OSGEPL1: variants seen among roughly 807,000 people sequenced by gnomAD.
OSGEPL1 encodes the protein O-sialoglycoprotein endopeptidase like 1, also known as tRNA N6-adenosine threonylcarbamoyltransferase, mitochondrial.
OSGEPL1 carries 26 observed loss-of-function variants against 37.2 expected under a neutral mutation model. The ratio of observed to expected loss-of-function variants is 0.70; its 90% CI spans 0.51 to 0.97. OSGEPL1 has a LOEUF of 0.97. Among genes scored for constraint, OSGEPL1 ranks in the 50% least tolerant of loss-of-function variants. OSGEPL1 has a pLI of 0.00. For synonymous variants in OSGEPL1, 140 were observed against 159.9 expected, an observed-to-expected ratio of 0.88 and a Z score of 0.94; for missense variants, 404 against 487.0, an observed-to-expected ratio of 0.83 and a Z score of 1.60.
intron 7 of OSGEPL1, among the ~76,000 whole-genome samples, chr2:189,752,173 C>T (rs2045370812): frequency 6.6e-6 from 1 of 151,928 alleles, no homozygotes; most frequent in Admixed American, 6.6e-5. Context: ...AAAAACTGTG[C>T]TATTCACTGG....
intron 1 of OSGEPL1, among the ~76,000 whole-genome samples, chr2:189,762,014 A>G (rs547620935): frequency 6.6e-6 from 1 of 152,208 alleles, no homozygotes; most frequent in Non-Finnish European, 1.5e-5. Context: ...GATTTTCTAA[A>G]AAGAATCAAA....
rs184705516 is a variant in OSGEPL1 at position 189,762,180 on chromosome 2, T to C, written c.-21+505A>G. Among the ~76,000 whole-genome samples the C allele has an allele frequency of 7.4e-4, 112 of 152,318 alleles. 1 individual carries two copies. Among genetic ancestry groups the C allele is most frequent in the African/African-American group, 2.5e-3 (106 of 41,572 alleles). On this transcript the variant is annotated intron_variant, in intron 1 of 8. Transcript: ENST00000264151. ...ACCTAACACCTATTTTATCCTTAAT[T>C]GCAATCTTTGGAATTAAATCTCCAC...
At chr2:189,758,044 G>A (rs1396709659) in intron 2 of OSGEPL1, among the ~76,000 whole-genome samples, 2 of 152,148 alleles carry the variant, frequency 1.3e-5, no homozygotes, top group Non-Finnish European at 2.9e-5. Context: ...TTTTCCCCTT[G>A]GTACTGTGTC....
At chr2:189,753,872 T>A in intron 5 of OSGEPL1, 44 bp downstream of exon 5, 1 of 1,596,792 alleles carries the variant, frequency 6.3e-7, no homozygotes. Flanking sequence ...AAAAGTAACA[T>A]ATTGCAAAGT....
At chr2:189,759,953 G>A (rs537906000) in intron 2 of OSGEPL1, among the ~76,000 whole-genome samples, 24 of 152,164 alleles carry the variant, frequency 1.6e-4, no homozygotes, top group African/African-American at 5.8e-4. Context: ...AGGGAGTGGT[G>A]ATGACTCTTA....
intron 1 of OSGEPL1, among the ~76,000 whole-genome samples, chr2:189,762,201 T>C (rs1302563034): frequency 6.6e-6 from 1 of 152,222 alleles, no homozygotes; most frequent in African/African-American, 2.4e-5. Flanking sequence ...GAATTAAATC[T>C]CCACTTTTTG....
At chr2:189,754,705 T>G in intron 3 of OSGEPL1, 1 of 251,230 alleles carries the variant, frequency 4.0e-6, no homozygotes, top group Non-Finnish European at 7.5e-6. Flanking sequence ...GTTTGTTTGT[T>G]TGTTTTCCTA....
chr2:189,760,813 T>C (rs545765416), intron 2 of OSGEPL1, among the ~76,000 whole-genome samples: 267 of 151,452 alleles, frequency 1.8e-3, no homozygotes, highest in Middle Eastern at 3.4e-3. Context: ...AAAAAAAAAA[T>C]CTGGATTTCC....
At position 189,753,902 on chromosome 2, in the gene OSGEPL1, G is replaced by A; in HGVS notation, c.963+14C>T. 2 of 1,610,934 alleles carry A rather than the reference G, an allele frequency of 1.2e-6. No individual in the cohort carries two copies. Among genetic ancestry groups the A allele is most frequent in the South Asian group, 1.1e-5 (1 of 90,780 alleles). ...CAAAGTGTAACTATTACTATAAAATGAGATAAAACTTACCAGTACTGCATT... is the reference window on the plus strand; with the variant it reads ...CAAAGTGTAACTATTACTATAAAATAAGATAAAACTTACCAGTACTGCATT... On this transcript the variant is annotated intron_variant, in intron 5 of 8. Transcript: ENST00000264151.
At position 189,753,933 on chromosome 2, in the gene OSGEPL1, G is replaced by C. The variant is rs1197430772; in HGVS notation, c.946C>G (p.Gln316Glu). 1 of 1,613,536 alleles carries C rather than the reference G, an allele frequency of 6.2e-7. No homozygotes were observed. Among genetic ancestry groups the C allele is most frequent in the Admixed American group, 1.7e-5 (1 of 59,992 alleles). The change falls in exon 5 of 9, where the codon CAA becomes GAA. Residue 316 changes from glutamine (Q) to glutamate (E), a missense_variant. Transcript: ENST00000264151. ...AAACTTACCAGTACTGCATTATTTTGAGGTAACAAGTCTCTCTGCTTACAA... is the reference window on the plus strand; with the variant it reads ...AAACTTACCAGTACTGCATTATTTTCAGGTAACAAGTCTCTCTGCTTACAA... ...LFCKQRDLLP[Q>E]NNAVLVASGG...
Position 189,761,401 on chromosome 2 carries a change from TA to T in OSGEPL1, c.221+18del, listed in dbSNP as rs1294582506. On this transcript the variant is annotated intron_variant, in intron 2 of 8. Transcript: ENST00000264151. Reference sequence around the variant, plus strand: ...CTTTTTCCAAAAAAGTGGAAATGACTAAGATAATGTCTACTTACTTTAAATG... The same window carrying T: ...CTTTTTCCAAAAAAGTGGAAATGACTAGATAATGTCTACTTACTTTAAATG... The T allele has an allele frequency of 1.3e-6, 2 of 1,575,480 alleles. No homozygotes were observed. The highest frequency in any genetic ancestry group is 4.5e-5 in the East Asian group (2 of 44,266).
In OSGEPL1 at chr2:189,754,282, T is replaced by C; in HGVS notation, c.673A>G (p.Ile225Val). The change falls in exon 4 of 9, where the codon ATA (isoleucine) becomes GTA (valine). Residue 225 changes from isoleucine to valine, a missense_variant. Transcript: ENST00000264151. ...TTTCCTTGTTTGGCCAAATGTTCTATGGCTTTCCCACCACTCATGGTGGAG... is the reference window on the plus strand; with the variant it reads ...TTTCCTTGTTTGGCCAAATGTTCTACGGCTTTCCCACCACTCATGGTGGAG... ...ECSTMSGGKA[I>V]EHLAKQGNRF... 1 of 1,613,858 alleles carries C rather than the reference T, an allele frequency of 6.2e-7. No individual in the cohort carries two copies. Among genetic ancestry groups the C allele is most frequent in the Non-Finnish European group, 8.5e-7 (1 of 1,179,796 alleles).
intron 2 of OSGEPL1, among the ~76,000 whole-genome samples, chr2:189,758,778 G>A (rs1399399040): frequency 1.3e-5 from 2 of 152,170 alleles, no homozygotes; most frequent in African/African-American, 4.8e-5. Flanking sequence ...ACTCTACTGA[G>A]AGAGATTATA....
Position 189,755,538 on chromosome 2 carries a change from C to T in OSGEPL1, c.244G>A (p.Ala82Thr), listed in dbSNP as rs1382626504. The T allele has an allele frequency of 6.3e-7, 1 of 1,598,600 alleles. No individual in the cohort carries two copies. The highest frequency in any genetic ancestry group is 1.4e-5 in the African/African-American group (1 of 73,810). ...HLKTGGIVPP[A>T]AQQLHRENIQ... ...TTTTCTCTGTGAAGCTGTTGAGCTG[C>T]TGGAGGAACAATCCCACCTGTTCTG... Residue 82 changes from alanine (A) to threonine (T), a missense_variant, in exon 3 of 9, where the codon GCA becomes ACA. Physicochemically the swap from Ala to Thr is moderately conservative, Grantham distance 58 (BLOSUM62 0). Transcript: ENST00000264151.
At chr2:189,756,409 C>CA (rs748617119) in intron 2 of OSGEPL1, among the ~76,000 whole-genome samples, 131 of 150,700 alleles carry the variant, frequency 8.7e-4, no homozygotes, top group Non-Finnish European at 1.2e-3. Flanking sequence ...CTGCTAGTTT[C>CA]AAAAAAAAAT....
At chr2:189,752,540 C>T (rs777275386) in intron 7 of OSGEPL1, 113 bp downstream of exon 7, 80 of 974,870 alleles carry the variant, frequency 8.2e-5, no homozygotes, top group Non-Finnish European at 1.2e-4. Flanking sequence ...ATTTATGTAA[C>T]TTTCCTTCAA....
Position 189,750,625 on chromosome 2 carries a change from C to T in OSGEPL1, c.1198G>A (p.Val400Ile), listed in dbSNP as rs1475150547. The T allele has an allele frequency of 6.3e-7, 1 of 1,592,032 alleles. No individual in the cohort carries two copies. The highest frequency in any genetic ancestry group is 2.3e-5 in the East Asian group (1 of 44,254). Reference protein sequence around the residue: ...CPLGVDISKEVGEASIKVPQL... With the variant: ...CPLGVDISKEIGEASIKVPQL... ...GGTACTTTTATGGAAGCTTCTCCAA[C>T]TTCTTTTGATATGTCTACTCCAAGA... Residue 400 changes from valine to isoleucine, a missense_variant, in exon 8 of 9, where the codon GTT (valine) becomes ATT (isoleucine). Physicochemically the swap from Val to Ile is conservative, Grantham distance 29. Transcript: ENST00000264151.
Position 189,746,668 on chromosome 2 carries a change from A to C in OSGEPL1, c.*529T>G. 1 of 1,534,646 alleles carries C rather than the reference A, an allele frequency of 6.5e-7. No homozygotes were observed. Reference sequence around the variant, plus strand: ...TGAAAGGATTCCTGAGCCATCTTTTAAAAATTTTTTTATTTTTAATAATGG... The same window carrying C: ...TGAAAGGATTCCTGAGCCATCTTTTCAAAATTTTTTTATTTTTAATAATGG... On this transcript the variant is annotated 3_prime_UTR_variant, in exon 9 of 9. Coordinates refer to ENST00000264151, the MANE Select transcript of OSGEPL1 (RefSeq NM_022353.3).
At chr2:189,748,370 G>A (rs2044494812) in intron 8 of OSGEPL1, among the ~76,000 whole-genome samples, 1 of 152,154 alleles carries the variant, frequency 6.6e-6, no homozygotes, top group Non-Finnish European at 1.5e-5. Flanking sequence ...GTTATGCTGA[G>A]TGTGGTGGTA....
Sources: gnomAD v4.1 joint callset for allele counts (sites outside exome capture counted in the v4.1 genomes callset) on GRCh38, gnomAD v4.1.1 for gene constraint, MANE v1.5 for transcripts, NCBI Gene and HGNC (gene_info 2026-07-23, HGNC 2026-07-21) for gene names.